CCNY: variants seen among roughly 807,000 people sequenced by gnomAD.
CCNY encodes the protein cyclin Y.
In CCNY, 19 loss-of-function variants were observed where a neutral mutation model predicts 42.8. That is an observed-to-expected ratio of 0.44 (90% CI 0.31 to 0.65). The LOEUF (loss-of-function observed/expected upper bound fraction) is 0.65. CCNY is among the 30% of genes least tolerant of loss of function. CCNY has a pLI of 0.07. For synonymous variants in CCNY, 165 were observed against 162.7 expected (o/e 1.01, Z -0.11); for missense variants, 370 against 437.3 (o/e 0.85, Z 1.37).
intron 2 of CCNY, among the ~76,000 whole-genome samples, chr10:35,489,239 G>C (rs1339716415): frequency 6.6e-6 from 1 of 152,130 alleles, no homozygotes; most frequent in African/African-American, 2.4e-5. Context: ...TGCCTCTATG[G>C]GTTGATATTA....
chr10:35,553,196 G>T lies in CCNY; in HGVS notation c.746+11G>T, dbSNP rs1410894169. On this transcript the variant is annotated intron_variant, in intron 8 of 9. Coordinates refer to ENST00000374704, the MANE Select transcript of CCNY (RefSeq NM_145012.6). ...CACGGTGGAGGACATGTGAGTTGGG[G>T]GGCAGAGGGTGTTGGTCATCAGAGT... The T allele has an allele frequency of 6.2e-7, 1 of 1,612,366 alleles. No homozygotes were observed.
At chr10:35,261,713 T>A (rs12254018) in intron 3 of CCNY, among the ~76,000 whole-genome samples, 55,433 of 151,692 alleles carry the variant, frequency 0.37, 10,621 homozygotes, top group African/African-American at 0.49. Context: ...TCTAAAAAAA[T>A]TTAACGGAAT....
intron 8 of CCNY, among the ~76,000 whole-genome samples, chr10:35,557,896 A>G (rs1841391409): frequency 6.6e-6 from 1 of 152,206 alleles, no homozygotes; most frequent in Admixed American, 6.5e-5. Context: ...AACCAGGCTG[A>G]GCATCAGTTT....
intron 8 of CCNY, among the ~76,000 whole-genome samples, chr10:35,565,651 C>A (rs569015805): frequency 1.2e-4 from 19 of 152,334 alleles, no homozygotes; most frequent in African/African-American, 4.6e-4. Context: ...CTCTGGGCCC[C>A]TGCGGAAGGG....
At position 35,336,562 on chromosome 10, in the gene CCNY, C is replaced by A. The variant is rs1000629570; in HGVS notation, c.-492C>A. On this transcript the variant is annotated 5_prime_UTR_variant, in exon 1 of 10. Transcript: ENST00000374704. ...GCGAGGAGTCCGGGGGCTGCGCCCA[C>A]GCCCGCTGCCCGCCCGCTCGTCGGC... 6.7e-6 allele frequency among the ~76,000 whole-genome samples: 1 copy of A among 148,794 alleles called. No homozygotes were observed. The highest frequency in any genetic ancestry group is 1.5e-5 in the Non-Finnish European group (1 of 66,756).
At chr10:35,271,102 A>G (rs1391735660) in intron 3 of CCNY, among the ~76,000 whole-genome samples, 3 of 152,196 alleles carry the variant, frequency 2.0e-5, no homozygotes, top group African/African-American at 4.8e-5. Flanking sequence ...ACGCTCTGTT[A>G]TAACAAGTAA....
intron 7 of CCNY, among the ~76,000 whole-genome samples, chr10:35,546,446 A>G (rs1841117584): frequency 6.6e-6 from 1 of 152,228 alleles, no homozygotes; most frequent in Admixed American, 6.5e-5. Flanking sequence ...ATTAAATCTG[A>G]AAACTTAACT....
chr10:35,461,865 A>G (rs937217255), intron 1 of CCNY, among the ~76,000 whole-genome samples: 3 of 151,936 alleles, frequency 2.0e-5, no homozygotes, highest in African/African-American at 7.3e-5. Context: ...TTTGTCCCTG[A>G]TGTTATTGAG....
Position 35,364,312 on chromosome 10 carries a change from G to C in CCNY, c.154+27105G>C, listed in dbSNP as rs189845475. ...ATTCAAATATATAGATTTAACAAAA[G>C]CTTCTTTTTGGTTATTCTTACCTTT... On this transcript the variant is annotated intron_variant, in intron 1 of 9. Transcript: ENST00000374704. 2.0e-5 allele frequency among the ~76,000 whole-genome samples: 3 copies of C among 152,148 alleles called. No homozygotes were observed. The East Asian group carries it at 5.8e-4, about 29-fold the overall frequency.
chr10:35,438,596 G>C (rs1838595148), intron 1 of CCNY, among the ~76,000 whole-genome samples: 1 of 152,058 alleles, frequency 6.6e-6, no homozygotes, highest in African/African-American at 2.4e-5. Flanking sequence ...CAAGTCATTT[G>C]GTACATGTGG....
intron 1 of CCNY, among the ~76,000 whole-genome samples, chr10:35,447,959 G>A (rs116510631): frequency 0.011 from 1,681 of 152,316 alleles, 41 homozygotes; most frequent in African/African-American, 0.039. Context: ...GTGCTTTGCC[G>A]TTCATGGTGT....
intron 7 of CCNY, among the ~76,000 whole-genome samples, chr10:35,548,292 G>GTATA (rs113069550): frequency 9.0e-4 from 129 of 143,824 alleles, no homozygotes; most frequent in South Asian, 3.9e-3. Flanking sequence ...ATATATTTAT[G>GTATA]TATATATATA....
intron 2 of CCNY, among the ~76,000 whole-genome samples, chr10:35,490,137 G>A (rs938061058): frequency 6.6e-6 from 1 of 152,160 alleles, no homozygotes; most frequent in African/African-American, 2.4e-5. Context: ...ATGTTGAATG[G>A]AGGAACCCCC....
chr10:35,346,567 G>T, intron 1 of CCNY, among the ~76,000 whole-genome samples: 1 of 152,216 alleles, frequency 6.6e-6, no homozygotes, highest in East Asian at 1.9e-4. Context: ...TTTTCAAATA[G>T]ATAAGTGGAA....
intron 5 of CCNY, among the ~76,000 whole-genome samples, chr10:35,528,815 T>C (rs552861160): frequency 1.4e-4 from 21 of 152,326 alleles, no homozygotes; most frequent in African/African-American, 4.6e-4. Flanking sequence ...TTTACACAGA[T>C]GGTAAATTTC....
Position 35,337,167 on chromosome 10 carries a change from C to T in CCNY, c.114C>T (p.Gly38=), listed in dbSNP as rs1434210185. Residue 38 remains glycine (G), a synonymous_variant, in exon 1 of 10, where the codon GGC becomes GGT. Coordinates refer to ENST00000374704, the MANE Select transcript of CCNY (RefSeq NM_145012.6). ...CGGACCTGAGCCGCGAGGACACGGG[C>T]TGCAACCTGCAGCACATCAGCGACC... ...PDTDLSREDT[G]CNLQHISDRE... is the part of the protein sequence containing the mutation. 2 of 1,574,204 alleles carry T rather than the reference C, an allele frequency of 1.3e-6. No individual in the cohort carries two copies. Among genetic ancestry groups the T allele is most frequent in the African/African-American group, 2.8e-5 (2 of 72,220 alleles).
At chr10:35,458,715 GGT>G (rs1839090229) in intron 1 of CCNY, among the ~76,000 whole-genome samples, 3 of 152,270 alleles carry the variant, frequency 2.0e-5, no homozygotes, top group Admixed American at 1.3e-4. Flanking sequence ...GACATGTGAG[GGT>G]GTGAGCCAAG....
At chr10:35,406,201 T>TTTA (rs1554785132) in intron 1 of CCNY, among the ~76,000 whole-genome samples, 51 of 124,394 alleles carry the variant, frequency 4.1e-4, no homozygotes, top group African/African-American at 1.4e-3. Flanking sequence ...TTCTTTTTTA[T>TTTA]TTTATTTATT....
At chr10:35,323,456 C>A (rs1213841395) in intron 3 of CCNY, among the ~76,000 whole-genome samples, 1 of 152,160 alleles carries the variant, frequency 6.6e-6, no homozygotes, top group African/African-American at 2.4e-5. Flanking sequence ...CAGTGATAAA[C>A]AGAAATGAAC....
Sources: gnomAD v4.1 joint callset for allele counts (sites outside exome capture counted in the v4.1 genomes callset) on GRCh38, gnomAD v4.1.1 for gene constraint, MANE v1.5 for transcripts, NCBI Gene and HGNC (gene_info 2026-07-23, HGNC 2026-07-21) for gene names.